ALMS1: variants seen among roughly 807,000 people sequenced by gnomAD.
The protein encoded by ALMS1 is ALMS1 centrosome and basal body associated protein.
Under a neutral mutation model 352.2 loss-of-function variants are expected in ALMS1, and 271 were observed. The ratio of observed to expected loss-of-function variants is 0.77; its 90% CI spans 0.70 to 0.85. The LOEUF is 0.85. ALMS1 is among the 40% of genes least tolerant of loss of function. The pLI, the probability that ALMS1 is intolerant of heterozygous loss-of-function variation, is 0.00. For synonymous variants in ALMS1, 1,865 were observed against 1,761.2 expected (o/e 1.06, Z -1.48); for missense variants, 5,445 against 4,870.7 (o/e 1.12, Z -3.51).
chr2:73,402,786 A>G lies in ALMS1; in HGVS notation c.325-5836A>G, dbSNP rs565038168. On this transcript the variant is annotated intron_variant, in intron 1 of 22. Transcript: ENST00000613296. Reference sequence around the variant, plus strand: ...ATTTCCCTGATGATAGTAATATTGAATATCTTTTCATATGCTGATTGGCCA... The same window carrying G: ...ATTTCCCTGATGATAGTAATATTGAGTATCTTTTCATATGCTGATTGGCCA... 3.9e-5 allele frequency among the ~76,000 whole-genome samples: 6 copies of G among 152,220 alleles called. No homozygotes were observed. In the South Asian group the frequency reaches 1.2e-3, roughly 32 times the overall value.
chr2:73,549,711 C>G (rs573329233), intron 12 of ALMS1, among the ~76,000 whole-genome samples: 1 of 152,154 alleles, frequency 6.6e-6, no homozygotes, highest in Non-Finnish European at 1.5e-5. Context: ...TGAACTGATT[C>G]TCCATTTTAC....
intron 15 of ALMS1, among the ~76,000 whole-genome samples, chr2:73,570,319 G>A (rs1331589273): frequency 6.6e-6 from 1 of 152,126 alleles, no homozygotes; most frequent in Admixed American, 6.5e-5. Context: ...ATAAGTAACA[G>A]CATGGAAATG....
At chr2:73,467,117 C>CTA (rs10625603) in intron 9 of ALMS1, among the ~76,000 whole-genome samples, 133,946 of 151,966 alleles carry the variant, frequency 0.88, 59,152 homozygotes, top group Admixed American at 0.93. Flanking sequence ...CAAAAATACA[C>CTA]TTCATAAAAG....
intron 9 of ALMS1, among the ~76,000 whole-genome samples, chr2:73,467,167 G>A (rs1210156805): frequency 6.6e-6 from 1 of 152,080 alleles, no homozygotes; most frequent in African/African-American, 2.4e-5. Context: ...GTTAAGAATG[G>A]TAATCAAAAG....
intron 21 of ALMS1, among the ~76,000 whole-genome samples, chr2:73,605,600 A>G (rs1241175588): frequency 6.6e-6 from 1 of 152,152 alleles, no homozygotes; most frequent in Non-Finnish European, 1.5e-5. Context: ...TATAATCCCA[A>G]CACTTTGGGA....
At chr2:73,564,564 T>C (rs1674763665) in intron 15 of ALMS1, among the ~76,000 whole-genome samples, 1 of 151,638 alleles carries the variant, frequency 6.6e-6, no homozygotes, top group Non-Finnish European at 1.5e-5. Flanking sequence ...AATTTTAGAA[T>C]ATTTTCTTCA....
At chr2:73,488,014 G>T (rs978895422) in intron 9 of ALMS1, among the ~76,000 whole-genome samples, 6 of 152,170 alleles carry the variant, frequency 3.9e-5, no homozygotes, top group African/African-American at 1.4e-4. Context: ...ATGCCAATTG[G>T]TCCATGGGCA....
intron 9 of ALMS1, chr2:73,458,151 C>CT (rs974468120): frequency 6.7e-6 from 1 of 148,532 alleles, no homozygotes; most frequent in African/African-American, 2.5e-5. Flanking sequence ...TTATGATTGA[C>CT]TTTTTTCAGT....
intron 1 of ALMS1, among the ~76,000 whole-genome samples, chr2:73,392,512 C>A (rs1032025098): frequency 2.6e-5 from 4 of 152,050 alleles, no homozygotes; most frequent in Non-Finnish European, 5.9e-5. Context: ...GCTGATATCC[C>A]CCGTCTTCCA....
chr2:73,405,646 A>T (rs571357423), intron 1 of ALMS1, among the ~76,000 whole-genome samples: 2 of 151,438 alleles, frequency 1.3e-5, no homozygotes, highest in East Asian at 3.9e-4. Flanking sequence ...TAGTTCTTCA[A>T]GGTGTAATGT....
At chr2:73,585,127 C>T (rs1675281298) in intron 16 of ALMS1, among the ~76,000 whole-genome samples, 1 of 152,104 alleles carries the variant, frequency 6.6e-6, no homozygotes, top group South Asian at 2.1e-4. Context: ...ACATATTTTC[C>T]TCTGGGAAGA....
At chr2:73,399,885 A>G (rs972807088) in intron 1 of ALMS1, among the ~76,000 whole-genome samples, 3 of 149,458 alleles carry the variant, frequency 2.0e-5, no homozygotes, top group Admixed American at 1.3e-4. Flanking sequence ...CTGTTATATG[A>G]TCATGTGGTT....
chr2:73,409,264 CTT>C (rs1208729656), intron 2 of ALMS1, among the ~76,000 whole-genome samples: 1 of 151,878 alleles, frequency 6.6e-6, no homozygotes, highest in Non-Finnish European at 1.5e-5. Flanking sequence ...TCTCAGGACT[CTT>C]ATTTTTATTT....
intron 16 of ALMS1, among the ~76,000 whole-genome samples, chr2:73,588,728 A>C (rs1675360403): frequency 1.3e-5 from 2 of 152,196 alleles, no homozygotes; most frequent in Non-Finnish European, 2.9e-5. Flanking sequence ...TCATGTTTCC[A>C]GCAGGTGGGC....
intron 9 of ALMS1, among the ~76,000 whole-genome samples, chr2:73,476,449 C>G (rs573902837): frequency 1.3e-5 from 2 of 152,148 alleles, no homozygotes; most frequent in South Asian, 4.1e-4. Context: ...AGTCATTCTA[C>G]TTTTAAGTTT....
At chr2:73,507,643 T>C (rs1389415050) in intron 10 of ALMS1, among the ~76,000 whole-genome samples, 2 of 152,194 alleles carry the variant, frequency 1.3e-5, no homozygotes, top group African/African-American at 4.8e-5. Flanking sequence ...TTTTTTATTG[T>C]GTCTATTTGA....
At chr2:73,422,811 A>G (rs1324371832) in intron 3 of ALMS1, 46 bp from the exon 4 acceptor site, 1 of 1,462,926 alleles carries the variant, frequency 6.8e-7, no homozygotes, top group Non-Finnish European at 9.6e-7. Flanking sequence ...TAAGTAAATA[A>G]TCAATTTTCA....
At chr2:73,485,075 C>T (rs1239484770) in intron 9 of ALMS1, among the ~76,000 whole-genome samples, 408 of 131,554 alleles carry the variant, frequency 3.1e-3, no homozygotes, top group South Asian at 5.1e-3. Context: ...TCTCTCAGCT[C>T]GTCAAAGTCA....
intron 10 of ALMS1, among the ~76,000 whole-genome samples, chr2:73,504,537 G>C (rs1264889682): frequency 1.3e-5 from 2 of 152,150 alleles, no homozygotes; most frequent in Non-Finnish European, 2.9e-5. Context: ...AACATAACAT[G>C]TAAACTTTGA....
Sources: gnomAD v4.1 joint callset for allele counts (sites outside exome capture counted in the v4.1 genomes callset) on GRCh38, gnomAD v4.1.1 for gene constraint, MANE v1.5 for transcripts, NCBI Gene and HGNC (gene_info 2026-07-23, HGNC 2026-07-21) for gene names.